HIGD1A: variants seen among roughly 807,000 people sequenced by gnomAD.
HIGD1A encodes the protein HIG1 hypoxia inducible domain family member 1A.
A neutral mutation model predicts 11.3 loss-of-function variants in HIGD1A; 8 were observed. That is an observed-to-expected ratio of 0.71 (90% CI 0.42 to 1.28). The LOEUF is 1.28. HIGD1A is among the 50% of genes most tolerant of loss of function. The pLI, the probability that HIGD1A is intolerant of heterozygous loss-of-function variation, is 0.01. For missense variants in HIGD1A, 107 were observed against 118.8 expected, an observed-to-expected ratio of 0.90 and a Z score of 0.46; for synonymous variants, 32 against 38.4, an observed-to-expected ratio of 0.83 and a Z score of 0.62.
At chr3:42,787,194 T>A (rs562513395) in intron 2 of HIGD1A, among the ~76,000 whole-genome samples, 17 of 152,200 alleles carry the variant, frequency 1.1e-4, no homozygotes, top group Admixed American at 2.6e-4. Context: ...ATATTCATTT[T>A]AATACAGGAA....
intron 3 of HIGD1A, 118 bp downstream of exon 3, chr3:42,785,910 T>C (rs1162838245): frequency 1.2e-5 from 10 of 854,734 alleles, no homozygotes; most frequent in Non-Finnish European, 1.9e-5. Context: ...TACATGAAAA[T>C]GAGTATAAGT....
intron 2 of HIGD1A, among the ~76,000 whole-genome samples, chr3:42,787,155 G>A (rs551806973): frequency 1.3e-5 from 2 of 152,122 alleles, no homozygotes; most frequent in African/African-American, 4.8e-5. Context: ...ACAACAAAAC[G>A]TGTGCTAAAG....
At chr3:42,803,537 G>A (rs1013557994) in intron 1 of HIGD1A, among the ~76,000 whole-genome samples, 3 of 152,176 alleles carry the variant, frequency 2.0e-5, no homozygotes, top group African/African-American at 7.2e-5. Context: ...CTCCAAATAT[G>A]TGTGTCATGC....
At position 42,792,806 on chromosome 3, in the gene HIGD1A, C is replaced by T. The variant is rs566422953; in HGVS notation, c.97+1351G>A. ...ACCAGCCTGGCCAACATGATGAAAC[C>T]CCCATCTCTACTAAAAATACAAAGA... On this transcript the variant is annotated intron_variant, in intron 2 of 3. Coordinates refer to ENST00000321331, the MANE Select transcript of HIGD1A (RefSeq NM_014056.4). 2.0e-5 allele frequency among the ~76,000 whole-genome samples: 3 copies of T among 151,598 alleles called. No individual in the cohort carries two copies. The South Asian group carries it at 6.3e-4, about 32-fold the overall frequency.
intron 2 of HIGD1A, 34 bp downstream of exon 2, chr3:42,794,123 T>C (rs1700463267): frequency 1.9e-6 from 3 of 1,583,892 alleles, no homozygotes; most frequent in Non-Finnish European, 1.7e-6. Flanking sequence ...GGCTCTACCA[T>C]ATTCAAGACT....
Position 42,787,594 on chromosome 3 carries a change from A to AAAAAATATAT in HIGD1A, c.98-1433_98-1432insATATATTTTT, listed in dbSNP as rs1383516264. On this transcript the variant is annotated intron_variant, in intron 2 of 3. Transcript: ENST00000321331. The stretch of plus-strand genomic sequence containing the variant: ...CGACAGAGCGAGACTCCATCTCAAA[A>AAAAAATATAT]ATATATATATATATATATATATATA... Among the ~76,000 whole-genome samples, 6 of 141,250 alleles carry AAAAAATATAT rather than the reference A, an allele frequency of 4.2e-5. No individual in the cohort carries two copies. The Admixed American group carries it at 4.5e-4, about 11-fold the overall frequency. 92.7% of individuals were successfully genotyped at this position (141,250 alleles called of 152,430 possible).
At chr3:42,785,816 AT>A (rs1030607104) in intron 3 of HIGD1A, among the ~76,000 whole-genome samples, 31 of 150,808 alleles carry the variant, frequency 2.1e-4, no homozygotes, top group Non-Finnish European at 3.1e-4. Flanking sequence ...GATTGACAGG[AT>A]TTTTTTTTTC....
chr3:42,786,484 C>T (rs1349561743), intron 2 of HIGD1A, among the ~76,000 whole-genome samples: 4 of 152,134 alleles, frequency 2.6e-5, no homozygotes, highest in Admixed American at 2.6e-4. Context: ...AAGGTCTTGA[C>T]TTAGAGAATG....
rs1700333105 is a variant in HIGD1A at position 42,785,071 on chromosome 3, C to A, written c.*200G>T. On this transcript the variant is annotated 3_prime_UTR_variant, in exon 4 of 4. Transcript: ENST00000321331. ...AAGTTAACTTGACTTCCTTGAATGA[C>A]CTAGTTAGTAAACTAGTCACTAGTA... 1 of 479,418 alleles carries A rather than the reference C, an allele frequency of 2.1e-6. No individual in the cohort carries two copies. Among genetic ancestry groups the A allele is most frequent in the Admixed American group, 3.8e-5 (1 of 26,440 alleles). 29.7% of individuals were successfully genotyped at this position (479,418 alleles called of 1,614,324 possible).
In HIGD1A at chr3:42,786,023, C is replaced by T; in HGVS notation, c.232+5G>A. ...GAAAATTTGAAATTTCCTATAGGAA[C>T]CTACCAACAGTCATTGCTCCTACAA... On this transcript the variant is annotated splice_donor_5th_base_variant and intron_variant, in intron 3 of 3. Coordinates refer to ENST00000321331, the MANE Select transcript of HIGD1A (RefSeq NM_014056.4). The T allele has an allele frequency of 6.2e-7, 1 of 1,611,910 alleles. No individual in the cohort carries two copies. The highest frequency in any genetic ancestry group is 8.5e-7 in the Non-Finnish European group (1 of 1,179,814).
intron 1 of HIGD1A, among the ~76,000 whole-genome samples, chr3:42,800,047 G>A (rs1036829767): frequency 1.3e-5 from 2 of 152,008 alleles, no homozygotes; most frequent in African/African-American, 4.8e-5. Flanking sequence ...AACTTCTCGG[G>A]CAGGTGCGGT....
intron 1 of HIGD1A, among the ~76,000 whole-genome samples, chr3:42,800,633 A>C (rs1404907921): frequency 9.0e-6 from 1 of 111,386 alleles, no homozygotes; most frequent in Non-Finnish European, 2.0e-5. Context: ...AATAGTTACA[A>C]AACTTTTTTT....
At chr3:42,800,636 C>CTT (rs140588443) in intron 1 of HIGD1A, among the ~76,000 whole-genome samples, 1,894 of 150,292 alleles carry the variant, frequency 0.013, 35 homozygotes, top group African/African-American at 0.042. Context: ...AGTTACAAAA[C>CTT]TTTTTTTTTA....
chr3:42,804,087 C>T (rs945655670), intron 1 of HIGD1A: 11 of 1,404,996 alleles, frequency 7.8e-6, no homozygotes, highest in Non-Finnish European at 1.1e-5. Context: ...TCCTCGCTCC[C>T]CGCCGTCGGG....
intron 2 of HIGD1A, among the ~76,000 whole-genome samples, chr3:42,788,995 G>A: frequency 6.7e-6 from 1 of 148,978 alleles, no homozygotes; most frequent in East Asian, 2.0e-4. Context: ...AAATGTATTA[G>A]AATAATATTA....
intron 1 of HIGD1A, among the ~76,000 whole-genome samples, chr3:42,795,904 T>G (rs186642864): frequency 6.6e-6 from 1 of 152,206 alleles, no homozygotes; most frequent in Non-Finnish European, 1.5e-5. Flanking sequence ...CAATAAACTT[T>G]ACTCACAGAT....
At chr3:42,796,944 T>G (rs776294744) in intron 1 of HIGD1A, among the ~76,000 whole-genome samples, 6 of 1,240 alleles carry the variant, frequency 4.8e-3, no homozygotes, top group African/African-American at 5.0e-3. Context: ...CTCTCCCTCC[T>G]TCTCCGTCTC....
chr3:42,794,086 G>C, intron 2 of HIGD1A, 71 bp downstream of exon 2: 1 of 1,422,090 alleles, frequency 7.0e-7, no homozygotes, highest in Non-Finnish European at 9.5e-7. Flanking sequence ...ATTCTTTCAG[G>C]ATATTGCTAA....
intron 1 of HIGD1A, among the ~76,000 whole-genome samples, chr3:42,796,121 C>T (rs1404290919): frequency 6.6e-6 from 1 of 152,174 alleles, no homozygotes; most frequent in Non-Finnish European, 1.5e-5. Context: ...AGTTAAGGTC[C>T]TCAACAAAAA....
Sources: gnomAD v4.1 joint callset for allele counts (sites outside exome capture counted in the v4.1 genomes callset) on GRCh38, gnomAD v4.1.1 for gene constraint, MANE v1.5 for transcripts, NCBI Gene and HGNC (gene_info 2026-07-23, HGNC 2026-07-21) for gene names.